MRC1: variants seen among roughly 807,000 people sequenced by gnomAD.
MRC1 encodes the protein macrophage mannose receptor 1.
MRC1 carries 62 observed loss-of-function variants against 102.9 expected under a neutral mutation model. That is an observed-to-expected ratio of 0.60 (90% confidence interval 0.49 to 0.74). MRC1 has a LOEUF of 0.74. Ranked by LOEUF, MRC1 falls within the 30% of genes least tolerant of loss-of-function variation. The probability of loss-of-function intolerance (pLI) is 0.00; values close to 1 mark genes in which losing one functional copy is unlikely to be tolerated. For synonymous variants in MRC1, 457 were observed against 298.4 expected, an observed-to-expected ratio of 1.53 and a Z score of -5.48; for missense variants, 1,237 against 862.8, an observed-to-expected ratio of 1.43 and a Z score of -5.43.
chr10:17,884,584 A>T (rs1240240603), intron 21 of MRC1, among the ~76,000 whole-genome samples: 1 of 152,200 alleles, frequency 6.6e-6, no homozygotes, highest in Non-Finnish European at 1.5e-5. Context: ...CCTTCTTCAC[A>T]TGGTGGCAGG....
intron 1 of MRC1, among the ~76,000 whole-genome samples, chr10:17,818,753 G>A (rs2130582122): frequency 6.6e-6 from 1 of 152,280 alleles, no homozygotes; most frequent in South Asian, 2.1e-4. Context: ...GAGCCAAGAT[G>A]GCGCCACTGT....
Position 17,871,978 on chromosome 10 carries a change from A to G in MRC1, c.2200-4A>G, listed in dbSNP as rs1833360877. 1 of 780,392 alleles carries G rather than the reference A, an allele frequency of 1.3e-6. No homozygotes were observed. Among genetic ancestry groups the G allele is most frequent in the South Asian group, 1.3e-5 (1 of 74,572 alleles). The allele number at this position is 780,392 out of a possible 1,614,324, so 48.3% of individuals were successfully genotyped here. ...ATGGTTGTAGTTTAATGTTTCTAAT[A>G]TAGGTTTCATATGAAAACTGGGCTT... On this transcript the variant is annotated splice_region_variant and splice_polypyrimidine_tract_variant and intron_variant, in intron 14 of 29. Transcript: ENST00000569591.
At chr10:17,829,781 T>C (rs1838541402) in intron 3 of MRC1, among the ~76,000 whole-genome samples, 2 of 151,492 alleles carry the variant, frequency 1.3e-5, no homozygotes, top group Non-Finnish European at 2.9e-5. Flanking sequence ...ACAAAGGAGT[T>C]AGATGAATGT....
chr10:17,850,875 A>G (rs1838904442), intron 7 of MRC1, among the ~76,000 whole-genome samples: 2 of 152,206 alleles, frequency 1.3e-5, no homozygotes. Context: ...AGCACCTGCC[A>G]AATGGTATCC....
At chr10:17,884,690 C>G (rs1179485091) in intron 21 of MRC1, among the ~76,000 whole-genome samples, 1 of 152,156 alleles carries the variant, frequency 6.6e-6, no homozygotes, top group Non-Finnish European at 1.5e-5. Flanking sequence ...TGGGAGAAAC[C>G]TCCCCCATGA....
At chr10:17,832,619 G>C (rs1267569847) in intron 3 of MRC1, among the ~76,000 whole-genome samples, 2 of 147,304 alleles carry the variant, frequency 1.4e-5, no homozygotes, top group African/African-American at 5.2e-5. Context: ...ACGGAGTCTC[G>C]CTCTGTCGCC....
At chr10:17,832,361 C>A (rs1265685259) in intron 3 of MRC1, among the ~76,000 whole-genome samples, 1 of 150,752 alleles carries the variant, frequency 6.6e-6, no homozygotes, top group Non-Finnish European at 1.5e-5. Context: ...TCGAGACCAT[C>A]CTGGCTAACA....
intron 8 of MRC1, among the ~76,000 whole-genome samples, chr10:17,853,472 C>T (rs950850474): frequency 0.029 from 4,412 of 151,852 alleles, 127 homozygotes; most frequent in African/African-American, 0.073. Flanking sequence ...AAGCTCTCAT[C>T]TGACCAATTA....
chr10:17,893,362 G>T (rs1435778309), intron 22 of MRC1, among the ~76,000 whole-genome samples: 3 of 152,236 alleles, frequency 2.0e-5, no homozygotes, highest in African/African-American at 7.2e-5. Context: ...TCCCTATGTT[G>T]CCCAGGCTGG....
intron 4 of MRC1, among the ~76,000 whole-genome samples, chr10:17,835,540 C>A (rs35160301): frequency 0.13 from 19,976 of 152,112 alleles, 1,578 homozygotes; most frequent in African/African-American, 0.2. Flanking sequence ...ATGTGGAGAT[C>A]GCGTCAGAGG....
At chr10:17,836,192 C>T (rs1554839445) in intron 4 of MRC1, among the ~76,000 whole-genome samples, 1 of 152,216 alleles carries the variant, frequency 6.6e-6, no homozygotes. Flanking sequence ...CAGCTATTTT[C>T]AGATGACACC....
At chr10:17,857,703 G>GA (rs1426131754) in intron 9 of MRC1, among the ~76,000 whole-genome samples, 400 of 152,306 alleles carry the variant, frequency 2.6e-3, no homozygotes, top group Non-Finnish European at 4.1e-3. Context: ...GACTAGGAAA[G>GA]AAAAAATCCA....
intron 1 of MRC1, among the ~76,000 whole-genome samples, chr10:17,821,959 A>G (rs1325247780): frequency 1.3e-5 from 2 of 152,224 alleles, no homozygotes; most frequent in African/African-American, 4.8e-5. Flanking sequence ...CACAAAATCA[A>G]AGCACTCAGT....
At chr10:17,865,124 G>A (rs1833246212) in intron 11 of MRC1, among the ~76,000 whole-genome samples, 1 of 152,096 alleles carries the variant, frequency 6.6e-6, no homozygotes, top group Admixed American at 6.5e-5. Context: ...ATCCCTTATA[G>A]CAAATATTTC....
rs1022186237 is a variant in MRC1 at position 17,874,011 on chromosome 10, G to A, written c.2386+186G>A. Among the ~76,000 whole-genome samples the A allele has an allele frequency of 1.1e-4, 17 of 152,238 alleles. No individual in the cohort carries two copies. The South Asian group carries it at 3.5e-3, about 32-fold the overall frequency. On this transcript the variant is annotated intron_variant, in intron 16 of 29. Transcript: ENST00000569591. ...GAGAAGCTCATATGCCCAAACATAA[G>A]GCATGTTAATACAGTTTCTCAAGGG...
chr10:17,887,971 T>G (rs1389982865), intron 22 of MRC1, among the ~76,000 whole-genome samples: 1 of 151,960 alleles, frequency 6.6e-6, no homozygotes, highest in Non-Finnish European at 1.5e-5. Flanking sequence ...CCTGGCTAAT[T>G]TTTTTTGTAC....
intron 3 of MRC1, among the ~76,000 whole-genome samples, chr10:17,830,807 C>T (rs1033166251): frequency 2.6e-5 from 4 of 151,190 alleles, no homozygotes; most frequent in East Asian, 1.9e-4. Flanking sequence ...TTCCTTCTTA[C>T]GTCATTTATG....
rs893170661 is a variant in MRC1 at position 17,889,019 on chromosome 10, T to C, written c.3147+3584T>C. On this transcript the variant is annotated intron_variant, in intron 22 of 29. Coordinates refer to ENST00000569591, the MANE Select transcript of MRC1 (RefSeq NM_002438.4). Reference sequence around the variant, plus strand: ...TGTCCGCTAGATCATTACGTAATGTTCCTCTTTACCTCTGGTAACTTTCCT... The same window carrying C: ...TGTCCGCTAGATCATTACGTAATGTCCCTCTTTACCTCTGGTAACTTTCCT... Among the ~76,000 whole-genome samples, 10 of 152,336 alleles carry C rather than the reference T, an allele frequency of 6.6e-5. 1 individual carries two copies. The highest frequency in any genetic ancestry group is 2.4e-4 in the African/African-American group (10 of 41,576).
intron 1 of MRC1, among the ~76,000 whole-genome samples, chr10:17,811,692 C>A (rs1838225463): frequency 6.6e-6 from 1 of 152,130 alleles, no homozygotes; most frequent in South Asian, 2.1e-4. Context: ...ACTCCCAACT[C>A]CCCAGTAGCT....
Sources: allele counts gnomAD v4.1 joint callset (sites outside exome capture counted in the v4.1 genomes callset), GRCh38; gene constraint gnomAD v4.1.1; transcripts MANE v1.5; gene names NCBI Gene and HGNC (gene_info 2026-07-23, HGNC 2026-07-21).